Variants in POLA1 observed in about 807,000 individuals in gnomAD.
POLA1 encodes the protein DNA polymerase alpha 1, catalytic subunit.
Under a neutral mutation model 124.0 loss-of-function variants are expected in POLA1, and 15 were observed. The ratio of observed to expected loss-of-function variants is 0.12; its 90% CI spans 0.08 to 0.19. POLA1 has a LOEUF of 0.19. POLA1 is among the 10% of genes least tolerant of loss of function. The probability of loss-of-function intolerance (pLI) is 1.00; values close to 1 mark genes in which losing one functional copy is unlikely to be tolerated. For missense variants in POLA1, 886 were observed against 1,103.4 expected, an observed-to-expected ratio of 0.80 and a Z score of 2.79; for synonymous variants, 408 against 389.4, an observed-to-expected ratio of 1.05 and a Z score of -0.56.
At chrX:24,818,031 C>A (rs2148506160) in intron 30 of POLA1, among the ~76,000 whole-genome samples, 1 of 105,465 alleles carries the variant, frequency 9.5e-6, no homozygotes, top group South Asian at 4.4e-4. Flanking sequence ...ATGGGATTTA[C>A]CTTTAGAGAT....
At chrX:24,835,410 A>G (rs953841241) in intron 32 of POLA1, among the ~76,000 whole-genome samples, 5 of 111,400 alleles carry the variant, frequency 4.5e-5, no homozygotes, top group Non-Finnish European at 9.4e-5. Flanking sequence ...TTATTATCAC[A>G]TCACACCAAA....
At chrX:24,888,751 T>C (rs2047102593) in intron 35 of POLA1, among the ~76,000 whole-genome samples, 1 of 108,431 alleles carries the variant, frequency 9.2e-6, no homozygotes, top group South Asian at 4.1e-4. Flanking sequence ...AATTTTTCTA[T>C]TTTTAGTAGA....
At chrX:24,761,893 A>G (rs1424460265) in intron 26 of POLA1, among the ~76,000 whole-genome samples, 1 of 112,007 alleles carries the variant, frequency 8.9e-6, no homozygotes, top group East Asian at 2.8e-4. Flanking sequence ...CAGTAAAACT[A>G]GAGCTAGAGC....
intron 30 of POLA1, among the ~76,000 whole-genome samples, chrX:24,817,306 T>C (rs1233588983): frequency 1.8e-5 from 2 of 111,607 alleles, no homozygotes; most frequent in African/African-American, 6.5e-5. Context: ...ATGCTGGTGG[T>C]CTATTAAAAG....
At chrX:24,775,523 A>G (rs186828074) in intron 26 of POLA1, among the ~76,000 whole-genome samples, 47 of 112,169 alleles carry the variant, frequency 4.2e-4, no homozygotes, top group African/African-American at 1.5e-3. Flanking sequence ...ACACACGAGC[A>G]CTGTGGGGAT....
intron 26 of POLA1, among the ~76,000 whole-genome samples, chrX:24,773,736 A>G (rs1233849721): frequency 1.8e-5 from 2 of 112,138 alleles, no homozygotes; most frequent in African/African-American, 6.5e-5. Flanking sequence ...ACACTTCTTA[A>G]ATGAATGCCT....
At chrX:24,798,545 C>A (rs1339942106) in intron 26 of POLA1, among the ~76,000 whole-genome samples, 1 of 110,791 alleles carries the variant, frequency 9.0e-6, no homozygotes, top group East Asian at 2.8e-4. Flanking sequence ...TTTTAAGAAA[C>A]CATTTTTTTC....
intron 24 of POLA1, among the ~76,000 whole-genome samples, chrX:24,747,516 A>G (rs761479499): frequency 9.0e-6 from 1 of 110,904 alleles, no homozygotes; most frequent in Non-Finnish European, 1.9e-5. Flanking sequence ...ATTAGTCTAC[A>G]GCATTTACAA....
At chrX:24,715,246 G>A in intron 6 of POLA1, 43 bp downstream of exon 6, 1 of 825,896 alleles carries the variant, frequency 1.2e-6, no homozygotes, top group Non-Finnish European at 1.8e-6. Context: ...AGAGGACATA[G>A]ACTGAAGAAA....
chrX:24,762,670 G>A (rs1432295877), intron 26 of POLA1, among the ~76,000 whole-genome samples: 1 of 111,300 alleles, frequency 9.0e-6, no homozygotes, highest in Admixed American at 9.5e-5. Flanking sequence ...CAAGGCTGGA[G>A]GGGTAATCAA....
In POLA1 at chrX:24,988,189, G is replaced by C. The variant is rs1601935583; in HGVS notation, c.4262-7616G>C. ...CTATTTGCATATTTCTACACCCTGA[G>C]GGCTTTTTTCTTCTCCCACCTGTGG... is the stretch of plus-strand genomic sequence containing the variant. On this transcript the variant is annotated intron_variant, in intron 36 of 36. Transcript: ENST00000379068. Among the ~76,000 whole-genome samples the C allele has an allele frequency of 2.7e-5, 3 of 112,435 alleles. No homozygotes were observed. In the East Asian group the frequency reaches 8.4e-4, roughly 31 times the overall value.
Position 24,929,776 on chromosome X carries a change from T to C in POLA1, c.4165-677T>C, listed in dbSNP as rs747807968. 2.7e-5 allele frequency among the ~76,000 whole-genome samples: 3 copies of C among 112,371 alleles called. No homozygotes were observed. In the East Asian group the frequency reaches 8.4e-4, roughly 31 times the overall value. On this transcript the variant is annotated intron_variant, in intron 35 of 36. Coordinates refer to ENST00000379068, the MANE Select transcript of POLA1 (RefSeq NM_001330360.2). ...AATAACCTCAGGAATGTTTAGTATA[T>C]GTTTGCTGAGTGAATAGTAGTTCAG...
intron 32 of POLA1, among the ~76,000 whole-genome samples, chrX:24,828,227 T>G (rs892136136): frequency 7.1e-5 from 8 of 112,887 alleles, no homozygotes; most frequent in Non-Finnish European, 3.7e-5. Context: ...GAGCGTTTGC[T>G]CTGTTGGATA....
Position 24,841,821 on chromosome X carries a change from T to C in POLA1, c.3906T>C (p.Phe1302=), listed in dbSNP as rs758151717. The part of the protein sequence containing the change: ...CGTENIYDNV[F]DGSGTDMEPS... Reference sequence around the variant, plus strand: ...CTGAGAATATTTATGATAATGTCTTTGATGGTTCGGTTAGTTGTTTCTGTC... The same window carrying C: ...CTGAGAATATTTATGATAATGTCTTCGATGGTTCGGTTAGTTGTTTCTGTC... Residue 1302 remains phenylalanine (F), a synonymous_variant, in exon 33 of 37, where the codon TTT becomes TTC. Coordinates refer to ENST00000379068, the MANE Select transcript of POLA1 (RefSeq NM_001330360.2). 1.7e-6 allele frequency: 2 copies of C among 1,194,108 alleles called. No homozygotes were observed. The highest frequency in any genetic ancestry group is 3.5e-5 in the African/African-American group (2 of 56,817).
intron 35 of POLA1, among the ~76,000 whole-genome samples, chrX:24,895,415 G>A (rs1274983712): frequency 8.9e-6 from 1 of 112,096 alleles, no homozygotes; most frequent in African/African-American, 3.2e-5. Context: ...CCATCAAAGG[G>A]TACAAGATGG....
chrX:24,702,409 C>T (rs1928515783), intron 2 of POLA1, among the ~76,000 whole-genome samples: 1 of 112,566 alleles, frequency 8.9e-6, no homozygotes, highest in East Asian at 2.8e-4. Flanking sequence ...TTTTGCAAAC[C>T]AGCCCACCAG....
intron 36 of POLA1, among the ~76,000 whole-genome samples, chrX:24,947,854 A>G (rs2047987125): frequency 8.9e-6 from 1 of 112,078 alleles, no homozygotes; most frequent in Admixed American, 9.4e-5. Flanking sequence ...ATAGCCCACA[A>G]GAAATCTGGA....
intron 15 of POLA1, among the ~76,000 whole-genome samples, chrX:24,730,096 G>A (rs919157149): frequency 1.8e-5 from 2 of 110,265 alleles, no homozygotes; most frequent in East Asian, 5.8e-4. Context: ...TGCACCCGGC[G>A]TGATCTTTTA....
At chrX:24,908,481 G>A (rs77374889) in intron 35 of POLA1, among the ~76,000 whole-genome samples, 21,791 of 101,080 alleles carry the variant, frequency 0.22, 1,960 homozygotes, top group South Asian at 0.34. Context: ...GAGAACATGC[G>A]GTGTTTGGTT....
Sources: gnomAD v4.1 joint callset for allele counts (sites outside exome capture counted in the v4.1 genomes callset) on GRCh38, gnomAD v4.1.1 for gene constraint, MANE v1.5 for transcripts, NCBI Gene and HGNC (gene_info 2026-07-23, HGNC 2026-07-21) for gene names.